The following TXNDC11 variants were observed in gnomAD, a reference collection of about 807,000 sequenced individuals.
TXNDC11 encodes the protein thioredoxin domain containing 11.
Under a neutral mutation model 78.0 loss-of-function variants are expected in TXNDC11, and 68 were observed. The ratio of observed to expected loss-of-function variants is 0.87; its 90% CI spans 0.72 to 1.07. TXNDC11 has a LOEUF of 1.07. TXNDC11 is among the 50% of genes least tolerant of loss of function. The probability of loss-of-function intolerance (pLI) is 0.00; values close to 1 mark genes in which losing one functional copy is unlikely to be tolerated. For missense variants in TXNDC11, 1,389 were observed against 1,221.8 expected (o/e 1.14, Z -2.04); for synonymous variants, 571 against 495.2 (o/e 1.15, Z -2.03).
chr16:11,694,391 C>T (rs1443782444), intron 7 of TXNDC11, among the ~76,000 whole-genome samples: 1 of 151,836 alleles, frequency 6.6e-6, no homozygotes, highest in Non-Finnish European at 1.5e-5. Context: ...CCACCTGCCT[C>T]GGCCTCCCAG....
At chr16:11,736,260 T>C (rs1432612345) in intron 1 of TXNDC11, 27 bp from the exon 2 acceptor site, 13 of 1,525,890 alleles carry the variant, frequency 8.5e-6, no homozygotes, top group East Asian at 4.7e-5. Flanking sequence ...ACAGAAAAGA[T>C]TGCTTAGTTT....
In TXNDC11 at chr16:11,742,779, C is replaced by G; in HGVS notation, c.-49G>C. ...TATACCGCCGCCGCCGCCTCGGGCC[C>G]GAAGGCCCGGCCCGGCCCGTTGCTC... On this transcript the variant is annotated 5_prime_UTR_variant, in exon 1 of 12. Transcript: ENST00000283033. The G allele has an allele frequency of 7.1e-7, 1 of 1,411,606 alleles. No individual in the cohort carries two copies. Among genetic ancestry groups the G allele is most frequent in the African/African-American group, 1.5e-5 (1 of 67,118 alleles). The allele number at this position is 1,411,606 out of a possible 1,614,324, so 87.4% of individuals were successfully genotyped here. A position where few individuals can be genotyped will look rare whatever the true frequency, so the allele number is the denominator to read the frequency against.
rs78587787 is a variant in TXNDC11 at position 11,697,431 on chromosome 16, G to C, written c.1107+694C>G. On this transcript the variant is annotated intron_variant, in intron 7 of 11. Transcript: ENST00000283033. ...AATGCAATTTTGCCACCCCAGGCTCGCTCTGCATACTGTGCCTGCTGTCTC... is the reference window on the plus strand; with the variant it reads ...AATGCAATTTTGCCACCCCAGGCTCCCTCTGCATACTGTGCCTGCTGTCTC... Among the ~76,000 whole-genome samples, 846 of 152,178 alleles carry C rather than the reference G, an allele frequency of 5.6e-3. 12 individuals carry two copies. Among genetic ancestry groups the C allele is most frequent in the African/African-American group, 0.02 (816 of 41,514 alleles).
At chr16:11,725,285 A>G (rs890747735) in intron 4 of TXNDC11, among the ~76,000 whole-genome samples, 1 of 152,148 alleles carries the variant, frequency 6.6e-6, no homozygotes, top group African/African-American at 2.4e-5. Flanking sequence ...ATAACAGGAA[A>G]TGGCAAAACT....
intron 6 of TXNDC11, among the ~76,000 whole-genome samples, chr16:11,699,741 T>G (rs1313620517): frequency 6.6e-6 from 1 of 152,176 alleles, no homozygotes; most frequent in Non-Finnish European, 1.5e-5. Context: ...CTGGGTACAC[T>G]GGGTGCAGGG....
chr16:11,732,136 G>A (rs1236026601), intron 3 of TXNDC11, among the ~76,000 whole-genome samples: 1 of 152,162 alleles, frequency 6.6e-6, no homozygotes, highest in Non-Finnish European at 1.5e-5. Flanking sequence ...TTCCTCATCT[G>A]TAAAATAAGA....
intron 10 of TXNDC11, among the ~76,000 whole-genome samples, chr16:11,687,433 C>G (rs1316743319): frequency 2.0e-5 from 3 of 152,162 alleles, no homozygotes; most frequent in South Asian, 4.1e-4. Flanking sequence ...AATCACAATA[C>G]CAGAATGTGG....
chr16:11,702,103 T>TAC (rs985561228), intron 5 of TXNDC11, among the ~76,000 whole-genome samples: 1 of 151,246 alleles, frequency 6.6e-6, no homozygotes, highest in Non-Finnish European at 1.5e-5. Flanking sequence ...TATATATATA[T>TAC]ATATATATAT....
chr16:11,696,537 T>G (rs946919163), intron 7 of TXNDC11, among the ~76,000 whole-genome samples: 1 of 152,238 alleles, frequency 6.6e-6, no homozygotes, highest in Non-Finnish European at 1.5e-5. Flanking sequence ...TTTGCCAAAC[T>G]GACCTGAAAC....
chr16:11,680,471 C>A (rs151014560), intron 11 of TXNDC11, among the ~76,000 whole-genome samples: 2 of 152,260 alleles, frequency 1.3e-5, no homozygotes, highest in African/African-American at 4.8e-5. Context: ...CCTGAGAGCA[C>A]AGAATAAGGA....
intron 4 of TXNDC11, among the ~76,000 whole-genome samples, chr16:11,727,238 G>A (rs573532209): frequency 2.0e-5 from 3 of 148,068 alleles, no homozygotes; most frequent in African/African-American, 7.5e-5. Flanking sequence ...CAGATCCTAC[G>A]CAAGAAATTT....
chr16:11,705,202 C>CA (rs1488077106), intron 5 of TXNDC11, among the ~76,000 whole-genome samples: 1 of 152,144 alleles, frequency 6.6e-6, no homozygotes, highest in African/African-American at 2.4e-5. Flanking sequence ...CCAACTCTAA[C>CA]ATTGACTTCT....
chr16:11,691,444 G>A lies in TXNDC11; in HGVS notation c.1746C>T (p.Ile582=), dbSNP rs2050711422. The A allele has an allele frequency of 6.2e-7, 1 of 1,614,124 alleles. No individual in the cohort carries two copies. Residue 582 remains isoleucine, a synonymous_variant, in exon 8 of 12, where the codon ATC becomes ATT. Coordinates refer to ENST00000283033, the MANE Select transcript of TXNDC11 (RefSeq NM_015914.7). Reference sequence around the variant, plus strand: ...AAAACAAATTTGAATCCAAAAGGTAGATGTTGAGAGTCTTGTTGGTTCTGC... The same window carrying A: ...AAAACAAATTTGAATCCAAAAGGTAAATGTTGAGAGTCTTGTTGGTTCTGC... The part of the protein sequence containing the change: ...LSCRTNKTLN[I]YLLDSNLFWL...
rs1313566913 is a variant in TXNDC11 at position 11,688,375 on chromosome 16, G to C, written c.1971C>G (p.Ala657=). The change falls in exon 9 of 12, where the codon GCC becomes GCG. Residue 657 remains alanine, a synonymous_variant. Coordinates refer to ENST00000283033, the MANE Select transcript of TXNDC11 (RefSeq NM_015914.7). ...TGATTAAATGCTGAGACGGGAACTGGGCAGAGCCACTTCCAATGAGATGCC... is the reference window on the plus strand; with the variant it reads ...TGATTAAATGCTGAGACGGGAACTGCGCAGAGCCACTTCCAATGAGATGCC... ...LKRHLIGSGS[A]QFPSQHLITE... is the part of the protein sequence containing the mutation. The C allele has an allele frequency of 1.2e-6, 2 of 1,614,044 alleles. No individual in the cohort carries two copies. Among genetic ancestry groups the C allele is most frequent in the Non-Finnish European group, 8.5e-7 (1 of 1,179,966 alleles).
intron 5 of TXNDC11, among the ~76,000 whole-genome samples, chr16:11,711,366 A>C (rs2051351101): frequency 6.6e-6 from 1 of 152,194 alleles, no homozygotes; most frequent in Non-Finnish European, 1.5e-5. Flanking sequence ...TCTGGATGTC[A>C]AAAGTCCAAA....
At chr16:11,713,052 A>G (rs186497811) in intron 5 of TXNDC11, among the ~76,000 whole-genome samples, 115 of 147,088 alleles carry the variant, frequency 7.8e-4, no homozygotes, top group Middle Eastern at 3.4e-3. Context: ...GGTTGCGGTG[A>G]GTCAAGATCG....
At chr16:11,727,665 C>G (rs1387782547) in intron 4 of TXNDC11, among the ~76,000 whole-genome samples, 2 of 146,462 alleles carry the variant, frequency 1.4e-5, no homozygotes, top group African/African-American at 5.0e-5. Flanking sequence ...TCCACCCGCC[C>G]CCCCCACCCC....
intron 5 of TXNDC11, among the ~76,000 whole-genome samples, chr16:11,709,785 G>A (rs62040604): frequency 0.42 from 64,423 of 151,926 alleles, 14,373 homozygotes; most frequent in Middle Eastern, 0.55. Context: ...GAGAAATGTA[G>A]TTCCAAGTAC....
intron 8 of TXNDC11, among the ~76,000 whole-genome samples, chr16:11,690,362 T>TTGC (rs766142354): frequency 6.6e-6 from 1 of 152,212 alleles, no homozygotes; most frequent in Non-Finnish European, 1.5e-5. Context: ...AAAGTGGGTT[T>TTGC]TGCTGGTTTG....
Sources: gnomAD v4.1 joint callset for allele counts (sites outside exome capture counted in the v4.1 genomes callset) on GRCh38, gnomAD v4.1.1 for gene constraint, MANE v1.5 for transcripts, NCBI Gene and HGNC (gene_info 2026-07-23, HGNC 2026-07-21) for gene names.